KBTBD12: variants seen among roughly 807,000 people sequenced by gnomAD.
KBTBD12 encodes the protein kelch repeat and BTB domain-containing protein 12.
KBTBD12 carries 53 observed loss-of-function variants against 58.7 expected under a neutral mutation model. That is an observed-to-expected ratio of 0.90 (90% CI 0.72 to 1.14). KBTBD12 has a LOEUF of 1.14. Ranked by LOEUF, KBTBD12 falls within the 50% of genes most tolerant of loss-of-function variation. The pLI is 0.00. For missense variants in KBTBD12, 704 were observed against 751.3 expected (o/e 0.94, Z 0.74); for synonymous variants, 236 against 259.8 (o/e 0.91, Z 0.88).
chr3:127,962,914 A>G (rs1940474994), intron 4 of KBTBD12, among the ~76,000 whole-genome samples: 1 of 152,230 alleles, frequency 6.6e-6, no homozygotes, highest in Non-Finnish European at 1.5e-5. Flanking sequence ...GTGAACCAGC[A>G]TTGGATATTA....
rs1361915736 is a variant in KBTBD12 at position 127,985,386 on chromosome 3, TG to T, written c.*1111del. 6.6e-6 allele frequency: 1 copy of T among 152,198 alleles called. No individual in the cohort carries two copies. The highest frequency in any genetic ancestry group is 1.5e-5 in the Non-Finnish European group (1 of 68,038). 9.4% of individuals were successfully genotyped at this position (152,198 alleles called of 1,614,324 possible). On this transcript the variant is annotated 3_prime_UTR_variant, in exon 6 of 6. Coordinates refer to ENST00000405109, the MANE Select transcript of KBTBD12 (RefSeq NM_207335.4). ...TTAGAAATAACATTTAAATGACACATGGGAAGTCCGTCTATCTTACTTCCCG... is the reference window on the plus strand; with the variant it reads ...TTAGAAATAACATTTAAATGACACATGGAAGTCCGTCTATCTTACTTCCCG...
chr3:127,943,042 T>G (rs1939990988), intron 4 of KBTBD12, among the ~76,000 whole-genome samples: 1 of 152,198 alleles, frequency 6.6e-6, no homozygotes, highest in Non-Finnish European at 1.5e-5. Flanking sequence ...AAGCCATTTA[T>G]GAAGGATATG....
chr3:127,942,165 AT>A (rs1939963950), intron 4 of KBTBD12, among the ~76,000 whole-genome samples: 1 of 152,150 alleles, frequency 6.6e-6, no homozygotes, highest in South Asian at 2.1e-4. Flanking sequence ...AAGGTCAATC[AT>A]TTACTTTTAA....
chr3:127,930,474 A>G (rs1018696447), intron 4 of KBTBD12, among the ~76,000 whole-genome samples, 191 bp downstream of exon 4: 1 of 152,196 alleles, frequency 6.6e-6, no homozygotes, highest in African/African-American at 2.4e-5. Flanking sequence ...CCATTGACAT[A>G]TTGAGAGCAA....
chr3:127,973,552 A>G (rs1345793323), intron 5 of KBTBD12, among the ~76,000 whole-genome samples: 6 of 152,290 alleles, frequency 3.9e-5, no homozygotes, highest in Non-Finnish European at 5.9e-5. Flanking sequence ...GTGATTATGT[A>G]AAGGAATTTC....
intron 5 of KBTBD12, among the ~76,000 whole-genome samples, chr3:127,982,324 G>A (rs1035700569): frequency 1.3e-5 from 2 of 152,184 alleles, no homozygotes; most frequent in African/African-American, 4.8e-5. Flanking sequence ...GGCTCTGCCT[G>A]GAGCACATCT....
chr3:127,952,063 AG>A (rs774355605), intron 4 of KBTBD12, among the ~76,000 whole-genome samples: 2 of 152,240 alleles, frequency 1.3e-5, no homozygotes, highest in African/African-American at 2.4e-5. Context: ...CAAGGAAAAA[AG>A]TATCCCAAGT....
rs1464260303 is a variant in KBTBD12, at chr3:127,986,148, C to G, written c.*1870C>G. The G allele has an allele frequency of 6.6e-6, 1 of 152,580 alleles. No homozygotes were observed. Among genetic ancestry groups the G allele is most frequent in the Non-Finnish European group, 1.5e-5 (1 of 68,052 alleles). The allele number at this position is 152,580 out of a possible 1,614,324, so 9.5% of individuals were successfully genotyped here. ...CTTGTTGGCATGTCATGGCACATCTCCTAGATGTTTTGGGTTCAAGATCTG... is the reference window on the plus strand; with the variant it reads ...CTTGTTGGCATGTCATGGCACATCTGCTAGATGTTTTGGGTTCAAGATCTG... On this transcript the variant is annotated 3_prime_UTR_variant, in exon 6 of 6. Transcript: ENST00000405109.
chr3:127,960,800 G>C (rs559131507), intron 4 of KBTBD12, among the ~76,000 whole-genome samples: 1 of 152,326 alleles, frequency 6.6e-6, no homozygotes, highest in Non-Finnish European at 1.5e-5. Context: ...TGAACTGCCT[G>C]CCAACCAAAT....
intron 5 of KBTBD12, among the ~76,000 whole-genome samples, chr3:127,966,653 G>C (rs1434311001): frequency 6.6e-6 from 1 of 152,116 alleles, no homozygotes; most frequent in Admixed American, 6.6e-5. Context: ...TGAATAATAG[G>C]AGTTGGTCAA....
intron 5 of KBTBD12, among the ~76,000 whole-genome samples, chr3:127,982,797 C>A (rs1238147665): frequency 6.6e-6 from 1 of 152,252 alleles, no homozygotes; most frequent in Admixed American, 6.5e-5. Flanking sequence ...CCTTCCAGGT[C>A]TAGGGACAGT....
At chr3:127,956,742 G>T (rs1247124133) in intron 4 of KBTBD12, among the ~76,000 whole-genome samples, 1 of 152,192 alleles carries the variant, frequency 6.6e-6, no homozygotes, top group Non-Finnish European at 1.5e-5. Flanking sequence ...GAGGCAAAGA[G>T]TTGTACAACT....
At chr3:127,968,793 A>G (rs1407589149) in intron 5 of KBTBD12, among the ~76,000 whole-genome samples, 7 of 152,230 alleles carry the variant, frequency 4.6e-5, no homozygotes, top group Non-Finnish European at 1.0e-4. Context: ...GAAGGAAAAA[A>G]AAAAGAAAAC....
At chr3:127,945,352 T>C (rs1323769376) in intron 4 of KBTBD12, among the ~76,000 whole-genome samples, 2 of 151,144 alleles carry the variant, frequency 1.3e-5, no homozygotes, top group East Asian at 2.0e-4. Flanking sequence ...GCCCGGCTAA[T>C]TTTTTGTATT....
intron 1 of KBTBD12, among the ~76,000 whole-genome samples, chr3:127,920,475 C>T (rs1461796252): frequency 6.7e-6 from 1 of 149,464 alleles, no homozygotes; most frequent in African/African-American, 2.5e-5. Flanking sequence ...TAAGTTATTT[C>T]CAAATTTTTG....
intron 4 of KBTBD12, among the ~76,000 whole-genome samples, chr3:127,934,805 A>G (rs1396384238): frequency 6.6e-6 from 1 of 152,192 alleles, no homozygotes; most frequent in Non-Finnish European, 1.5e-5. Context: ...AGAATTCTGT[A>G]TCCAGGAAAA....
At chr3:127,970,681 T>C (rs1349370510) in intron 5 of KBTBD12, among the ~76,000 whole-genome samples, 1 of 152,160 alleles carries the variant, frequency 6.6e-6, no homozygotes, top group Non-Finnish European at 1.5e-5. Context: ...AAGAAGGCAA[T>C]CACAAAAGAC....
chr3:127,942,626 A>ATATATATAAC (rs577397819), intron 4 of KBTBD12, among the ~76,000 whole-genome samples: 2 of 148,612 alleles, frequency 1.3e-5, no homozygotes, highest in South Asian at 2.1e-4. Context: ...TGTTAGTTAT[A>ATATATATAAC]TATATATAAC....
chr3:127,924,016 G>C lies in KBTBD12; in HGVS notation c.955G>C (p.Gly319Arg). 1 of 1,613,726 alleles carries C rather than the reference G, an allele frequency of 6.2e-7. No homozygotes were observed. The highest frequency in any genetic ancestry group is 2.2e-5 in the East Asian group (1 of 44,872). Residue 319 changes from glycine to arginine, a missense_variant, in exon 2 of 6, where the codon GGT becomes CGT. Gly to Arg is a moderately radical substitution (Grantham distance 125). Coordinates refer to ENST00000405109, the MANE Select transcript of KBTBD12 (RefSeq NM_207335.4). ...YFISSPKYGE[G>R]LGTVCTGVVM... ...CATCTCATCTCCCAAGTACGGAGAG[G>C]GTTTAGGAACTGTGTGTACTGGTGT...
Sources: gnomAD v4.1 joint callset for allele counts (sites outside exome capture counted in the v4.1 genomes callset) on GRCh38, gnomAD v4.1.1 for gene constraint, MANE v1.5 for transcripts, NCBI Gene and HGNC (gene_info 2026-07-23, HGNC 2026-07-21) for gene names.